Variants in CXCL13 observed in about 807,000 individuals in gnomAD.
CXCL13 encodes C-X-C motif chemokine 13.
A neutral mutation model predicts 12.2 loss-of-function variants in CXCL13; 7 were observed. The ratio of observed to expected loss-of-function variants is 0.57; its 90% confidence interval spans 0.33 to 1.07. The LOEUF (loss-of-function observed/expected upper bound fraction) is 1.07, where lower values mean the gene tolerates loss of function less well. CXCL13 is among the 50% of genes least tolerant of loss of function. The pLI is 0.04. For synonymous variants in CXCL13, 47 were observed against 42.4 expected (o/e 1.11, Z -0.42); for missense variants, 113 against 127.4 (o/e 0.89, Z 0.55).
chr4:77,605,843 T>A lies in CXCL13; in HGVS notation c.-23T>A. 1.3e-6 allele frequency: 2 copies of A among 1,572,712 alleles called. No homozygotes were observed. Among genetic ancestry groups the A allele is most frequent in the Non-Finnish European group, 1.7e-6 (2 of 1,147,660 alleles). ...CCACAGCCTGGACTCAGAGCTCAAG[T>A]CTGAACTCTACCTCCAGACAGAATG... On this transcript the variant is annotated 5_prime_UTR_variant, in exon 1 of 4. Coordinates refer to ENST00000682537, the MANE Select transcript of CXCL13 (RefSeq NM_001371558.1).
At chr4:77,555,372 T>C (rs993817054) in intron 1 of CXCL13, among the ~76,000 whole-genome samples, 1 of 152,064 alleles carries the variant, frequency 6.6e-6, no homozygotes, top group East Asian at 1.9e-4. Context: ...GGAAACCTAA[T>C]AGCACTGTAT....
In CXCL13 at chr4:77,562,164, C is replaced by T. The variant is rs1032980504; in HGVS notation, c.-42-43660C>T. On this transcript the variant is annotated intron_variant, in intron 1 of 4. Transcript: ENST00000286758. ...ACAAGCCTTCCCACCCCCTGCCCAC[C>T]GCTGCCCCCACCCCCCCATCACTGC... Among the ~76,000 whole-genome samples the T allele has an allele frequency of 8.2e-5, 12 of 145,520 alleles. No homozygotes were observed. In the East Asian group the frequency reaches 8.3e-4, roughly 10 times the overall value.
intron 1 of CXCL13, among the ~76,000 whole-genome samples, chr4:77,544,320 A>G (rs1257361721): frequency 6.6e-6 from 1 of 152,184 alleles, no homozygotes; most frequent in Non-Finnish European, 1.5e-5. Flanking sequence ...AGGAATCACC[A>G]CACTGTCTTC....
At chr4:77,515,088 G>A (rs550701646) in intron 1 of CXCL13, among the ~76,000 whole-genome samples, 2 of 152,056 alleles carry the variant, frequency 1.3e-5, no homozygotes, top group African/African-American at 4.8e-5. Context: ...GCTTGTTTTT[G>A]TCAGGTTTGT....
intron 1 of CXCL13, among the ~76,000 whole-genome samples, chr4:77,553,897 T>G (rs1725594314): frequency 6.6e-6 from 1 of 152,208 alleles, no homozygotes. Context: ...AGGACTATAG[T>G]TAATAGCGTA....
intron 1 of CXCL13, among the ~76,000 whole-genome samples, chr4:77,554,373 G>A (rs1725609079): frequency 6.6e-6 from 1 of 152,164 alleles, no homozygotes; most frequent in Non-Finnish European, 1.5e-5. Flanking sequence ...AAAGAGAAAT[G>A]TCTTATGATG....
chr4:77,527,983 T>C (rs905997524), intron 1 of CXCL13, among the ~76,000 whole-genome samples: 10 of 151,956 alleles, frequency 6.6e-5, no homozygotes, highest in African/African-American at 2.2e-4. Context: ...CCTGTGTCCA[T>C]GTGTTCTCAT....
chr4:77,563,840 G>A (rs963391842), intron 1 of CXCL13, among the ~76,000 whole-genome samples: 5 of 152,112 alleles, frequency 3.3e-5, no homozygotes, highest in Admixed American at 6.5e-5. Flanking sequence ...AGGTGTCTTT[G>A]GGACATACAT....
At chr4:77,564,022 G>T (rs140214230) in intron 1 of CXCL13, among the ~76,000 whole-genome samples, 29 of 152,278 alleles carry the variant, frequency 1.9e-4, no homozygotes, top group African/African-American at 6.3e-4. Context: ...ATACTCTGCT[G>T]TCACTACCTT....
chr4:77,574,254 G>C (rs191985691), intron 1 of CXCL13, among the ~76,000 whole-genome samples: 1 of 151,874 alleles, frequency 6.6e-6, no homozygotes, highest in East Asian at 1.9e-4. Context: ...TCCCATGAGA[G>C]GACCTATTAT....
intron 1 of CXCL13, among the ~76,000 whole-genome samples, chr4:77,562,826 C>G (rs1725844602): frequency 6.6e-6 from 1 of 152,126 alleles, no homozygotes; most frequent in Non-Finnish European, 1.5e-5. Context: ...CATCAATCAG[C>G]ACTCTGTCAA....
chr4:77,543,287 CT>C (rs1379309630), intron 1 of CXCL13, among the ~76,000 whole-genome samples: 1 of 151,802 alleles, frequency 6.6e-6, no homozygotes, highest in Non-Finnish European at 1.5e-5. Context: ...GTCTATCAAT[CT>C]TGTTGATCCT....
At chr4:77,585,159 C>T (rs998749055) in intron 1 of CXCL13, among the ~76,000 whole-genome samples, 18 of 152,242 alleles carry the variant, frequency 1.2e-4, no homozygotes, top group Admixed American at 1.3e-4. Context: ...TGGAAACAGG[C>T]TTTATCAAAG....
chr4:77,518,877 A>G (rs1373474767), intron 1 of CXCL13, among the ~76,000 whole-genome samples: 1 of 152,162 alleles, frequency 6.6e-6, no homozygotes, highest in East Asian at 1.9e-4. Context: ...TCTGCTTTTT[A>G]GAGTTTCCAG....
At chr4:77,521,285 G>A (rs569404267) in intron 1 of CXCL13, among the ~76,000 whole-genome samples, 135 of 152,326 alleles carry the variant, frequency 8.9e-4, no homozygotes, top group African/African-American at 3.1e-3. Flanking sequence ...GATTCCAGAA[G>A]GAATGGTACC....
At chr4:77,541,686 G>A (rs1248861173) in intron 1 of CXCL13, among the ~76,000 whole-genome samples, 1 of 152,036 alleles carries the variant, frequency 6.6e-6, no homozygotes, top group Non-Finnish European at 1.5e-5. Context: ...GATTGCTTTG[G>A]CAATTCAGGC....
At chr4:77,518,324 T>G (rs928962694) in intron 1 of CXCL13, among the ~76,000 whole-genome samples, 19 of 152,284 alleles carry the variant, frequency 1.2e-4, no homozygotes, top group African/African-American at 4.1e-4. Context: ...TGTATTTCCC[T>G]AATCTGAATG....
At chr4:77,593,778 G>C (rs1191923866) in intron 1 of CXCL13, among the ~76,000 whole-genome samples, 1 of 152,204 alleles carries the variant, frequency 6.6e-6, no homozygotes, top group Non-Finnish European at 1.5e-5. Context: ...TTGCAGAGAA[G>C]AACATATGTC....
At chr4:77,562,367 G>T (rs576671654) in intron 1 of CXCL13, among the ~76,000 whole-genome samples, 1 of 151,994 alleles carries the variant, frequency 6.6e-6, no homozygotes, top group Non-Finnish European at 1.5e-5. Context: ...CACCTGCACC[G>T]GGGTGCAGGA....
Sources: gnomAD v4.1 joint callset for allele counts (sites outside exome capture counted in the v4.1 genomes callset) on GRCh38, gnomAD v4.1.1 for gene constraint, MANE v1.5 for transcripts, NCBI Gene and HGNC (gene_info 2026-07-23, HGNC 2026-07-21) for gene names.